Variants in SLCO3A1 observed in about 807,000 individuals in gnomAD.
The protein encoded by SLCO3A1 is PGE1 transporter.
SLCO3A1 carries 27 observed loss-of-function variants against 63.1 expected under a neutral mutation model. The observed-to-expected ratio is 0.43, with a 90% CI of 0.32 to 0.59. The LOEUF (loss-of-function observed/expected upper bound fraction) is 0.59. SLCO3A1 is among the 20% of genes least tolerant of loss of function. SLCO3A1 has a pLI of 0.09. For missense variants in SLCO3A1, 773 were observed against 945.8 expected (o/e 0.82, Z 2.40); for synonymous variants, 473 against 409.9 (o/e 1.15, Z -1.86).
chr15:92,143,901 G>T (rs2048184428), intron 7 of SLCO3A1, among the ~76,000 whole-genome samples: 1 of 152,174 alleles, frequency 6.6e-6, no homozygotes, highest in Non-Finnish European at 1.5e-5. Context: ...GTGCGGCATG[G>T]CTGCTCAGGA....
rs989085990 is a variant in SLCO3A1 at position 92,033,779 on chromosome 15, G to A, written c.647-61102G>A. ...GTACAGTTTTAGTGTCAGAGGGGCA[G>A]GTCTCACTGAGGTTTTGGCATGTGT... On this transcript the variant is annotated intron_variant, in intron 2 of 9. Transcript: ENST00000318445. This position sits in a 1 kb window ranked among gnomAD's most constrained non-coding sequence, Gnocchi z 4.5. 6.6e-6 allele frequency among the ~76,000 whole-genome samples: 1 copy of A among 152,188 alleles called. No individual in the cohort carries two copies. The highest frequency in any genetic ancestry group is 1.5e-5 in the Non-Finnish European group (1 of 68,040).
intron 2 of SLCO3A1, among the ~76,000 whole-genome samples, chr15:91,981,355 C>T (rs1479688814): frequency 6.6e-6 from 1 of 152,188 alleles, no homozygotes; most frequent in African/African-American, 2.4e-5. Context: ...GTAAACTCGT[C>T]CTGTGAGGCC....
rs956169639 is a variant in SLCO3A1 at position 92,164,340 on chromosome 15, T to C, written c.*1205T>C. 1.0e-5 allele frequency: 10 copies of C among 984,940 alleles called. No individual in the cohort carries two copies. The highest frequency in any genetic ancestry group is 1.2e-5 in the Non-Finnish European group (10 of 829,752). The allele number at this position is 984,940 out of a possible 1,614,324, so 61.0% of individuals were successfully genotyped here. On this transcript the variant is annotated 3_prime_UTR_variant, in exon 10 of 10. Transcript: ENST00000318445. ...AAAAAAAAATGCTTCAAAAAGAGAG[T>C]GTATATGCAGCCTGCCTTTAAAAGA...
intron 7 of SLCO3A1, among the ~76,000 whole-genome samples, chr15:92,128,766 C>T (rs1014088185): frequency 1.3e-5 from 2 of 152,188 alleles, no homozygotes; most frequent in African/African-American, 4.8e-5. Flanking sequence ...GTTCAAGGTA[C>T]TTGCAGTGTC....
At chr15:92,001,763 T>C (rs2046257313) in intron 2 of SLCO3A1, among the ~76,000 whole-genome samples, 1 of 151,954 alleles carries the variant, frequency 6.6e-6, no homozygotes. Context: ...ATTTACTGAG[T>C]TCTTGCACTT....
At chr15:92,036,790 C>T (rs2046733056) in intron 2 of SLCO3A1, among the ~76,000 whole-genome samples, 1 of 152,022 alleles carries the variant, frequency 6.6e-6, no homozygotes, top group Non-Finnish European at 1.5e-5. Flanking sequence ...GGGAAGCACC[C>T]AAATCTCGTG....
intron 2 of SLCO3A1, among the ~76,000 whole-genome samples, chr15:91,997,572 A>G (rs879391230): frequency 9.2e-5 from 14 of 152,226 alleles, no homozygotes; most frequent in Non-Finnish European, 1.8e-4. Flanking sequence ...AAAAAGACCA[A>G]AGCTACAGAG....
At chr15:92,029,228 G>C (rs933136775) in intron 2 of SLCO3A1, among the ~76,000 whole-genome samples, 1 of 151,992 alleles carries the variant, frequency 6.6e-6, no homozygotes, top group African/African-American at 2.4e-5. Context: ...CTGACCCTGG[G>C]GGAAAAAAAG....
At chr15:92,150,338 T>C (rs1349743044) in intron 8 of SLCO3A1, among the ~76,000 whole-genome samples, 1 of 152,092 alleles carries the variant, frequency 6.6e-6, no homozygotes, top group Admixed American at 6.6e-5. Context: ...CAAATGTTAA[T>C]CTCCTGTGGC....
intron 2 of SLCO3A1, among the ~76,000 whole-genome samples, chr15:92,035,452 A>T (rs563520446): frequency 3.6e-4 from 54 of 151,824 alleles, no homozygotes; most frequent in African/African-American, 1.3e-3. Context: ...CACATATAGG[A>T]TTATTAATTC....
chr15:92,082,499 T>C (rs2047359314), intron 2 of SLCO3A1, among the ~76,000 whole-genome samples: 1 of 152,076 alleles, frequency 6.6e-6, no homozygotes, highest in South Asian at 2.1e-4. Context: ...TCCTCACTCC[T>C]CCCACTTGCG....
chr15:92,077,224 T>A (rs545184051), intron 2 of SLCO3A1, among the ~76,000 whole-genome samples: 1 of 151,994 alleles, frequency 6.6e-6, no homozygotes, highest in African/African-American at 2.4e-5. Context: ...CAATTCAAGA[T>A]GAGATTTGGG....
rs7497640 is a variant in SLCO3A1 at position 92,164,833 on chromosome 15, T to C, written c.*1698T>C. On this transcript the variant is annotated 3_prime_UTR_variant, in exon 10 of 10. Transcript: ENST00000318445. ...ACACTAGGCCTTCTACGGCCATTTC[T>C]GTAAGGGGACAGAGCTTAGGTAAAG... is the stretch of plus-strand genomic sequence containing the variant. 627,537 of 985,086 alleles carry C rather than the reference T, an allele frequency of 0.64. 201,319 individuals carry two copies. The highest frequency in any genetic ancestry group is 0.75 in the Middle Eastern group (1,426 of 1,914). 61.0% of individuals were successfully genotyped at this position (985,086 alleles called of 1,614,324 possible). A position where few individuals can be genotyped will look rare whatever the true frequency, so the allele number is the denominator to read the frequency against.
At chr15:92,051,405 T>G (rs1464837093) in intron 2 of SLCO3A1, among the ~76,000 whole-genome samples, 1 of 152,182 alleles carries the variant, frequency 6.6e-6, no homozygotes, top group Non-Finnish European at 1.5e-5. Flanking sequence ...TGGGGGCATT[T>G]AGACTTCATC....
chr15:92,138,288 T>C (rs2048084787), intron 7 of SLCO3A1, among the ~76,000 whole-genome samples: 2 of 84,708 alleles, frequency 2.4e-5, no homozygotes, highest in Admixed American at 1.3e-4. Flanking sequence ...TAGTTGTAGA[T>C]ATGTGGCGTT....
chr15:92,166,240 C>T (rs888658688), downstream of SLCO3A1, among the ~76,000 whole-genome samples: 1 of 152,162 alleles, frequency 6.6e-6, no homozygotes, highest in Non-Finnish European at 1.5e-5. Context: ...GCATGGCATG[C>T]GGGCTTTCCT....
intron 7 of SLCO3A1, among the ~76,000 whole-genome samples, chr15:92,141,999 A>C (rs2048139811): frequency 6.6e-6 from 1 of 152,210 alleles, no homozygotes; most frequent in Non-Finnish European, 1.5e-5. Flanking sequence ...TGGATGGAAA[A>C]GGAAACCCAT....
chr15:92,017,735 C>T (rs1272649806), intron 2 of SLCO3A1, among the ~76,000 whole-genome samples: 8 of 151,876 alleles, frequency 5.3e-5, no homozygotes, highest in East Asian at 1.9e-4. Context: ...CAGGGATGAG[C>T]GAAAAGGGAA....
Position 92,090,364 on chromosome 15 carries a change from A to G in SLCO3A1, c.647-4517A>G, listed in dbSNP as rs145304494. On this transcript the variant is annotated intron_variant, in intron 2 of 9. Coordinates refer to ENST00000318445, the MANE Select transcript of SLCO3A1 (RefSeq NM_013272.4). Reference sequence around the variant, plus strand: ...CCCTGTGAGTTCACTGCAGTACCCAATGGTGTCCCAGCACAGTCTGTAAAC... The same window carrying G: ...CCCTGTGAGTTCACTGCAGTACCCAGTGGTGTCCCAGCACAGTCTGTAAAC... 2.6e-4 allele frequency among the ~76,000 whole-genome samples: 39 copies of G among 152,318 alleles called. No individual in the cohort carries two copies. The South Asian group carries it at 6.8e-3, about 27-fold the overall frequency.
Sources: gnomAD v4.1 joint callset for allele counts (sites outside exome capture counted in the v4.1 genomes callset) on GRCh38, gnomAD v4.1.1 for gene constraint, Gnocchi (gnomAD v3.1) non-coding constraint, MANE v1.5 for transcripts, NCBI Gene and HGNC (gene_info 2026-07-23, HGNC 2026-07-21) for gene names.